Variants in DPY19L1 observed in about 807,000 individuals in gnomAD.
DPY19L1 encodes protein C-mannosyl-transferase DPY19L1.
Under a neutral mutation model 96.9 loss-of-function variants are expected in DPY19L1, and 35 were observed. The ratio of observed to expected loss-of-function variants is 0.36; its 90% CI spans 0.28 to 0.48. The LOEUF is 0.48. Ranked by LOEUF, DPY19L1 falls within the 20% of genes least tolerant of loss-of-function variation. The pLI is 0.99. For missense variants in DPY19L1, 521 were observed against 777.9 expected, an observed-to-expected ratio of 0.67 and a Z score of 3.93; for synonymous variants, 205 against 252.6, an observed-to-expected ratio of 0.81 and a Z score of 1.79.
intron 10 of DPY19L1, among the ~76,000 whole-genome samples, chr7:34,958,318 C>T (rs186158892): frequency 9.1e-4 from 138 of 152,274 alleles, no homozygotes; most frequent in African/African-American, 3.3e-3. Context: ...CACAAATGGA[C>T]ACTTACCCCA....
intron 7 of DPY19L1, among the ~76,000 whole-genome samples, chr7:34,975,610 A>T (rs1448100651): frequency 6.6e-6 from 1 of 152,210 alleles, no homozygotes; most frequent in Non-Finnish European, 1.5e-5. Context: ...AGGGCAGATG[A>T]AAAAACCTTC....
At chr7:34,959,929 A>ATT (rs1784466473) in intron 10 of DPY19L1, among the ~76,000 whole-genome samples, 1 of 50,370 alleles carries the variant, frequency 2.0e-5, no homozygotes. Context: ...ATATATTTAT[A>ATT]TATATATATA....
At chr7:34,949,087 C>T (rs911775072) in intron 14 of DPY19L1, among the ~76,000 whole-genome samples, 1 of 152,140 alleles carries the variant, frequency 6.6e-6, no homozygotes, top group African/African-American at 2.4e-5. Context: ...TTAATCAGTA[C>T]CACATGGATG....
intron 9 of DPY19L1, among the ~76,000 whole-genome samples, chr7:34,967,876 T>C (rs934475701): frequency 1.1e-4 from 17 of 152,176 alleles, no homozygotes; most frequent in Non-Finnish European, 2.4e-4. Context: ...GAGTTACCCA[T>C]GGAGAACACT....
intron 10 of DPY19L1, among the ~76,000 whole-genome samples, chr7:34,959,064 G>C (rs1457879154): frequency 1.3e-5 from 2 of 151,514 alleles, no homozygotes; most frequent in Non-Finnish European, 2.9e-5. Flanking sequence ...GATATGAACA[G>C]ACACTTCTCA....
intron 6 of DPY19L1, among the ~76,000 whole-genome samples, chr7:34,991,305 C>T (rs1785163235): frequency 6.6e-6 from 1 of 152,166 alleles, no homozygotes; most frequent in Admixed American, 6.5e-5. Flanking sequence ...TCTACAGGGT[C>T]AGTAATCATA....
chr7:35,013,561 A>C lies in DPY19L1; in HGVS notation c.549+7T>G, dbSNP rs1401459988. 1 of 1,607,106 alleles carries C rather than the reference A, an allele frequency of 6.2e-7. No homozygotes were observed. Among genetic ancestry groups the C allele is most frequent in the Admixed American group, 1.7e-5 (1 of 59,574 alleles). On this transcript the variant is annotated splice_region_variant and intron_variant, in intron 4 of 21. Transcript: ENST00000638088. ...GTGAAAAATCACAATTGGAAAAAGTACCTTACCTCAGGGTAAAGATTGAAT... is the reference window on the plus strand; with the variant it reads ...GTGAAAAATCACAATTGGAAAAAGTCCCTTACCTCAGGGTAAAGATTGAAT...
At chr7:34,945,804 T>C in intron 15 of DPY19L1, 88 bp from the exon 16 acceptor site, 2 of 885,266 alleles carry the variant, frequency 2.3e-6, no homozygotes, top group Non-Finnish European at 3.6e-6. Flanking sequence ...GTAAAATAAC[T>C]TTTAATGAAA....
chr7:34,958,638 T>C (rs1024734051), intron 10 of DPY19L1, among the ~76,000 whole-genome samples: 4 of 152,238 alleles, frequency 2.6e-5, no homozygotes, highest in African/African-American at 7.2e-5. Context: ...ATCAAGGATA[T>C]ACACATTTTT....
At chr7:35,017,640 C>T (rs1785891049) in intron 3 of DPY19L1, among the ~76,000 whole-genome samples, 1 of 151,658 alleles carries the variant, frequency 6.6e-6, no homozygotes, top group Admixed American at 6.6e-5. Flanking sequence ...CCACTGCACT[C>T]CAGCCTGGGC....
chr7:34,980,518 T>G (rs917301809), intron 7 of DPY19L1, among the ~76,000 whole-genome samples: 1 of 151,810 alleles, frequency 6.6e-6, no homozygotes, highest in African/African-American at 2.4e-5. Context: ...AAAAGACAGG[T>G]CGTTAAGTGG....
chr7:35,020,064 T>C (rs1169028108), intron 1 of DPY19L1, among the ~76,000 whole-genome samples: 1 of 152,086 alleles, frequency 6.6e-6, no homozygotes, highest in East Asian at 1.9e-4. Context: ...GTCCAAGAGG[T>C]TGAGGTTGTA....
rs1421239846 is a variant in DPY19L1, at chr7:34,957,967, T to G, written c.1179+17A>C. The stretch of plus-strand genomic sequence containing the variant: ...TTAGTTTCAAAAACAGCCATATAAG[T>G]GTTAAGGAATACTTACCCAAATAAT... On this transcript the variant is annotated intron_variant, in intron 11 of 21. Coordinates refer to ENST00000638088, the MANE Select transcript of DPY19L1 (RefSeq NM_001366673.1). 3 of 1,494,564 alleles carry G rather than the reference T, an allele frequency of 2.0e-6. No homozygotes were observed. In the South Asian group the frequency reaches 3.7e-5, roughly 18 times the overall value. The allele number at this position is 1,494,564 out of a possible 1,614,324, so 92.6% of individuals were successfully genotyped here. A position where few individuals can be genotyped will look rare whatever the true frequency, so the allele number is the denominator to read the frequency against.
intron 6 of DPY19L1, among the ~76,000 whole-genome samples, chr7:34,996,589 G>A: frequency 6.6e-6 from 1 of 151,880 alleles, no homozygotes; most frequent in Non-Finnish European, 1.5e-5. Flanking sequence ...CTTCCCCTGG[G>A]CTGCTACAGC....
At chr7:34,987,812 T>C (rs1175324052) in intron 7 of DPY19L1, among the ~76,000 whole-genome samples, 1 of 152,048 alleles carries the variant, frequency 6.6e-6, no homozygotes, top group African/African-American at 2.4e-5. Context: ...CGAAAATATG[T>C]TGAGTTCTCA....
chr7:35,025,618 T>G (rs1786102134), intron 1 of DPY19L1, among the ~76,000 whole-genome samples: 1 of 152,126 alleles, frequency 6.6e-6, no homozygotes, highest in Admixed American at 6.6e-5. Flanking sequence ...TGGACTTGGA[T>G]AAAAGAATTC....
chr7:35,012,853 A>G (rs1423216379), intron 4 of DPY19L1, among the ~76,000 whole-genome samples: 2 of 152,110 alleles, frequency 1.3e-5, no homozygotes, highest in African/African-American at 4.8e-5. Context: ...TTTAACAGAA[A>G]TATAGATGAA....
At chr7:34,979,409 T>A (rs1784893661) in intron 7 of DPY19L1, among the ~76,000 whole-genome samples, 1 of 152,096 alleles carries the variant, frequency 6.6e-6, no homozygotes, top group Non-Finnish European at 1.5e-5. Context: ...TGATTCAAAT[T>A]GCACTGTCAA....
At position 34,962,892 on chromosome 7, in the gene DPY19L1, G is replaced by C. The variant is rs539361312; in HGVS notation, c.1092+4002C>G. ...GGTATATGGGAACTTTGTATTTTCTGCTTAATTTTGCTATAAACCTGGCTG... is the reference window on the plus strand; with the variant it reads ...GGTATATGGGAACTTTGTATTTTCTCCTTAATTTTGCTATAAACCTGGCTG... On this transcript the variant is annotated intron_variant, in intron 10 of 21. Transcript: ENST00000638088. Among the ~76,000 whole-genome samples the C allele has an allele frequency of 1.5e-4, 23 of 152,000 alleles. No individual in the cohort carries two copies. The South Asian group carries it at 2.1e-3, about 14-fold the overall frequency.
Sources: allele counts gnomAD v4.1 joint callset (sites outside exome capture counted in the v4.1 genomes callset), GRCh38; gene constraint gnomAD v4.1.1; transcripts MANE v1.5; gene names NCBI Gene and HGNC (gene_info 2026-07-23, HGNC 2026-07-21).